Variants in RABGAP1L observed in about 807,000 individuals in gnomAD.
The protein encoded by RABGAP1L is RAB GTPase activating protein 1 like, also known as rab GTPase-activating protein 1-like.
RABGAP1L carries 63 observed loss-of-function variants against 137.7 expected under a neutral mutation model. That is an observed-to-expected ratio of 0.46 (90% CI 0.37 to 0.56). The LOEUF (loss-of-function observed/expected upper bound fraction) is 0.56. Among genes scored for constraint, RABGAP1L ranks in the 20% least tolerant of loss-of-function variants. The pLI, the probability that RABGAP1L is intolerant of heterozygous loss-of-function variation, is 0.00. For synonymous variants in RABGAP1L, 431 were observed against 433.7 expected, an observed-to-expected ratio of 0.99 and a Z score of 0.08; for missense variants, 1,095 against 1,244.0, an observed-to-expected ratio of 0.88 and a Z score of 1.80.
At chr1:174,195,589 C>CTTTCTTTCTTT (rs1667520016) in intron 1 of RABGAP1L, among the ~76,000 whole-genome samples, 1 of 59,986 alleles carries the variant, frequency 1.7e-5, no homozygotes, top group African/African-American at 8.1e-5. Flanking sequence ...TTCTTTCTTT[C>CTTTCTTTCTTT]TTTCTTTCTT....
chr1:174,756,409 C>G (rs576913336), intron 18 of RABGAP1L, among the ~76,000 whole-genome samples: 1 of 152,240 alleles, frequency 6.6e-6, no homozygotes, highest in Admixed American at 6.5e-5. Context: ...CTCAGCCTCC[C>G]AAAGTGTTGG....
chr1:174,774,449 T>A lies in RABGAP1L; in HGVS notation c.2211+22095T>A, dbSNP rs1043357920. On this transcript the variant is annotated intron_variant, in intron 18 of 25. Transcript: ENST00000681986. ...CTACAAAAAATAAAAATAAAAAAAA[T>A]AGCAAGGCATAGTGGCCTGGCATTG... Among the ~76,000 whole-genome samples, 5 of 151,382 alleles carry A rather than the reference T, an allele frequency of 3.3e-5. No homozygotes were observed. The East Asian group carries it at 7.7e-4, about 23-fold the overall frequency.
intron 19 of RABGAP1L, among the ~76,000 whole-genome samples, chr1:174,870,011 A>G (rs1283316720): frequency 1.3e-5 from 2 of 152,236 alleles, no homozygotes; most frequent in Non-Finnish European, 2.9e-5. Context: ...AGACTAAGAC[A>G]GTCACATAGC....
intron 12 of RABGAP1L, among the ~76,000 whole-genome samples, chr1:174,390,302 C>A (rs1410107973): frequency 6.6e-6 from 1 of 152,030 alleles, no homozygotes; most frequent in Non-Finnish European, 1.5e-5. Flanking sequence ...TTTCATTATG[C>A]CTGGCCAAAC....
At chr1:174,983,686 C>T (rs1343222795) in intron 24 of RABGAP1L, among the ~76,000 whole-genome samples, 1 of 152,102 alleles carries the variant, frequency 6.6e-6, no homozygotes, top group Non-Finnish European at 1.5e-5. Context: ...ATGGAGATAA[C>T]ATTACCTGCC....
intron 17 of RABGAP1L, among the ~76,000 whole-genome samples, chr1:174,740,460 G>A (rs1177728972): frequency 2.0e-5 from 3 of 151,934 alleles, no homozygotes; most frequent in South Asian, 4.2e-4. Flanking sequence ...TGTCAGTCTC[G>A]GTACAGCCTC....
At chr1:174,622,672 G>A (rs1672613549) in intron 13 of RABGAP1L, among the ~76,000 whole-genome samples, 1 of 152,200 alleles carries the variant, frequency 6.6e-6, no homozygotes. Context: ...CATGGACACA[G>A]GAAGGGGAAC....
At chr1:174,887,706 T>G (rs1409878210) in intron 19 of RABGAP1L, among the ~76,000 whole-genome samples, 1 of 152,100 alleles carries the variant, frequency 6.6e-6, no homozygotes, top group Non-Finnish European at 1.5e-5. Context: ...ATAAAATAGA[T>G]AAGACTACAA....
chr1:174,874,503 C>T, intron 19 of RABGAP1L: 2 of 984,618 alleles, frequency 2.0e-6, no homozygotes, highest in South Asian at 4.7e-5. Flanking sequence ...ATACTCTTCT[C>T]CTGGTAAGTT....
At chr1:174,630,161 T>C (rs2148307485) in intron 13 of RABGAP1L, among the ~76,000 whole-genome samples, 1 of 151,756 alleles carries the variant, frequency 6.6e-6, no homozygotes, top group East Asian at 1.9e-4. Flanking sequence ...TCGTGGTTTT[T>C]GTCTTTGGCT....
chr1:174,270,606 TA>T (rs969019406), intron 7 of RABGAP1L, among the ~76,000 whole-genome samples: 6 of 151,642 alleles, frequency 4.0e-5, no homozygotes, highest in South Asian at 2.1e-4. Context: ...AAATAAAAAT[TA>T]AAAAAAATCT....
chr1:174,549,931 C>T (rs561028892), intron 13 of RABGAP1L, among the ~76,000 whole-genome samples: 43 of 152,226 alleles, frequency 2.8e-4, no homozygotes, highest in African/African-American at 9.6e-4. Flanking sequence ...ACTTGGGGGG[C>T]TGAGGTGGGA....
chr1:174,728,081 A>G (rs537074367), intron 17 of RABGAP1L, among the ~76,000 whole-genome samples: 4 of 152,226 alleles, frequency 2.6e-5, no homozygotes, highest in Non-Finnish European at 5.9e-5. Flanking sequence ...ATTAAAGAGA[A>G]TTATATTCAA....
At chr1:174,202,393 G>A (rs2148397478) in intron 1 of RABGAP1L, among the ~76,000 whole-genome samples, 1 of 152,300 alleles carries the variant, frequency 6.6e-6, no homozygotes, top group East Asian at 1.9e-4. Flanking sequence ...GCATTTCTCT[G>A]ATGGCCAGTG....
intron 11 of RABGAP1L, among the ~76,000 whole-genome samples, chr1:174,327,745 C>A (rs189001203): frequency 6.6e-6 from 1 of 151,306 alleles, no homozygotes; most frequent in Non-Finnish European, 1.5e-5. Context: ...ATGCTGCCCC[C>A]AAGAGACTCA....
intron 13 of RABGAP1L, among the ~76,000 whole-genome samples, chr1:174,560,117 G>C (rs1045930950): frequency 6.6e-6 from 1 of 151,754 alleles, no homozygotes; most frequent in Non-Finnish European, 1.5e-5. Context: ...CTGGGCAACA[G>C]GGCGAGACTC....
At chr1:174,691,638 C>T (rs1678883704) in intron 15 of RABGAP1L, among the ~76,000 whole-genome samples, 1 of 152,156 alleles carries the variant, frequency 6.6e-6, no homozygotes, top group African/African-American at 2.4e-5. Context: ...TTTCTGTACA[C>T]AGCAAAAATG....
At chr1:174,803,666 A>T (rs923546087) in intron 18 of RABGAP1L, among the ~76,000 whole-genome samples, 10 of 151,870 alleles carry the variant, frequency 6.6e-5, no homozygotes, top group Non-Finnish European at 1.2e-4. Flanking sequence ...TCTGCTGCTT[A>T]TTAGAGGCCC....
At chr1:174,459,334 A>G (rs1656404721) in intron 13 of RABGAP1L, among the ~76,000 whole-genome samples, 1 of 152,146 alleles carries the variant, frequency 6.6e-6, no homozygotes, top group South Asian at 2.1e-4. Context: ...CAGTAAGAAA[A>G]TGAATAAATG....
Sources: allele counts gnomAD v4.1 joint callset (sites outside exome capture counted in the v4.1 genomes callset), GRCh38; gene constraint gnomAD v4.1.1; transcripts MANE v1.5; gene names NCBI Gene and HGNC (gene_info 2026-07-23, HGNC 2026-07-21).